Variants in TTC39B observed in about 807,000 individuals in gnomAD.
The protein encoded by TTC39B is tetratricopeptide repeat domain 39B.
TTC39B carries 92 observed loss-of-function variants against 96.6 expected under a neutral mutation model. That is an observed-to-expected ratio of 0.95 (90% CI 0.80 to 1.13). The LOEUF (loss-of-function observed/expected upper bound fraction) is 1.13. Among genes scored for constraint, TTC39B ranks in the 50% most tolerant of loss-of-function variants. The pLI, the probability that TTC39B is intolerant of heterozygous loss-of-function variation, is 0.00. For missense variants in TTC39B, 955 were observed against 809.3 expected (o/e 1.18, Z -2.18); for synonymous variants, 367 against 299.4 (o/e 1.23, Z -2.33).
intron 8 of TTC39B, among the ~76,000 whole-genome samples, chr9:15,198,405 T>C (rs573376567): frequency 4.7e-5 from 7 of 149,690 alleles, no homozygotes; most frequent in African/African-American, 1.7e-4. Context: ...TGCAGTGAGC[T>C]GAGATCACAC....
chr9:15,184,653 G>A (rs1483347457), intron 16 of TTC39B, among the ~76,000 whole-genome samples: 2 of 152,190 alleles, frequency 1.3e-5, no homozygotes, highest in Admixed American at 6.5e-5. Flanking sequence ...AATGTGAGCT[G>A]GAGCTAGAAT....
At chr9:15,250,309 G>A in intron 2 of TTC39B, 1 of 697,278 alleles carries the variant, frequency 1.4e-6, no homozygotes, top group Non-Finnish European at 1.8e-6. Context: ...AGAGAAACAG[G>A]CAAGGAACAT....
intron 2 of TTC39B, among the ~76,000 whole-genome samples, chr9:15,258,987 C>G (rs2131529446): frequency 6.6e-6 from 1 of 152,140 alleles, no homozygotes; most frequent in South Asian, 2.1e-4. Context: ...AGTGGCAGGT[C>G]TAAACACAAC....
At chr9:15,193,940 G>A (rs1819003951) in intron 8 of TTC39B, among the ~76,000 whole-genome samples, 1 of 152,172 alleles carries the variant, frequency 6.6e-6, no homozygotes. Flanking sequence ...AAGGAGACAT[G>A]ACAGCTAACC....
rs1818618172 is a variant in TTC39B at position 15,187,814 on chromosome 9, T to C, written c.1395+157A>G. ...CATGCAATGCTGAGGACAGTACCTA[T>C]AAATAGTGGGTACTTAAGGCACATT... On this transcript the variant is annotated intron_variant, in intron 14 of 19. Coordinates refer to ENST00000512701, the Ensembl canonical transcript of TTC39B. Among the ~76,000 whole-genome samples the C allele has an allele frequency of 2.0e-5, 3 of 152,228 alleles. No homozygotes were observed. The South Asian group carries it at 6.2e-4, about 32-fold the overall frequency.
chr9:15,177,869 C>CTTT lies in TTC39B; in HGVS notation c.1724-58_1724-56dup, dbSNP rs371656816. 500 of 466,168 alleles carry CTTT rather than the reference C, an allele frequency of 1.1e-3. 2 individuals are homozygous for CTTT. Among genetic ancestry groups the CTTT allele is most frequent in the African/African-American group, 5.8e-3 (254 of 43,470 alleles). 28.9% of individuals were successfully genotyped at this position (466,168 alleles called of 1,614,324 possible). A position where few individuals can be genotyped will look rare whatever the true frequency, so the allele number is the denominator to read the frequency against. ...CACAAAGAAAAATACTTTTTAAGATCTTTTTTTTTTTTTTTTTTGAGACGG... is the reference window on the plus strand; with the variant it reads ...CACAAAGAAAAATACTTTTTAAGATCTTTTTTTTTTTTTTTTTTTTTGAGACGG... On this transcript the variant is annotated intron_variant, in intron 17 of 19. Coordinates refer to ENST00000512701, the Ensembl canonical transcript of TTC39B.
chr9:15,217,219 T>G (rs1820571106), intron 3 of TTC39B, among the ~76,000 whole-genome samples: 1 of 152,214 alleles, frequency 6.6e-6, no homozygotes, highest in South Asian at 2.1e-4. Flanking sequence ...CTCACTCTTT[T>G]TCTCAACATC....
intron 1 of TTC39B, among the ~76,000 whole-genome samples, chr9:15,298,339 C>T (rs760417728): frequency 1.3e-5 from 2 of 152,168 alleles, no homozygotes; most frequent in Middle Eastern, 3.2e-3. Flanking sequence ...GGGCTTCTCA[C>T]GCTCCATAAT....
chr9:15,276,792 G>C (rs1296621684), intron 1 of TTC39B, among the ~76,000 whole-genome samples: 1 of 152,166 alleles, frequency 6.6e-6, no homozygotes, highest in African/African-American at 2.4e-5. Flanking sequence ...GTACAATAAA[G>C]ATTCCAGCCG....
intron 8 of TTC39B, among the ~76,000 whole-genome samples, chr9:15,199,638 G>C (rs1162153207): frequency 2.7e-5 from 4 of 148,168 alleles, no homozygotes; most frequent in Admixed American, 1.4e-4. Context: ...GGGAGGATGA[G>C]GCAGGAGAAT....
At chr9:15,290,314 T>C (rs1033413064) in intron 1 of TTC39B, among the ~76,000 whole-genome samples, 1 of 151,998 alleles carries the variant, frequency 6.6e-6, no homozygotes, top group Non-Finnish European at 1.5e-5. Flanking sequence ...AAAGAGAAAA[T>C]TTAAGCTTGG....
intron 2 of TTC39B, among the ~76,000 whole-genome samples, chr9:15,254,163 AT>A (rs1201493092): frequency 6.6e-6 from 1 of 151,808 alleles, no homozygotes; most frequent in Non-Finnish European, 1.5e-5. Flanking sequence ...TAAAACCAGC[AT>A]TAAAAAAAAA....
At chr9:15,298,422 A>C (rs1824460122) in intron 1 of TTC39B, among the ~76,000 whole-genome samples, 1 of 152,218 alleles carries the variant, frequency 6.6e-6, no homozygotes, top group Non-Finnish European at 1.5e-5. Context: ...AAAGAGGTTT[A>C]ATGGACTCAC....
chr9:15,242,479 C>T (rs372632071), intron 2 of TTC39B, among the ~76,000 whole-genome samples: 85 of 152,160 alleles, frequency 5.6e-4, no homozygotes, highest in African/African-American at 1.9e-3. Context: ...GCTACTCAGG[C>T]GGCTGAAGCG....
chr9:15,266,935 C>G (rs1017115020), intron 2 of TTC39B, among the ~76,000 whole-genome samples: 1 of 152,092 alleles, frequency 6.6e-6, no homozygotes, highest in Non-Finnish European at 1.5e-5. Context: ...AAAAAAATAG[C>G]CTGGCGTGGT....
In TTC39B at chr9:15,262,874, T is replaced by C. The variant is rs549029594; in HGVS notation, c.275+5040A>G. Among the ~76,000 whole-genome samples, 34 of 152,274 alleles carry C rather than the reference T, an allele frequency of 2.2e-4. 1 individual carries two copies. The South Asian group carries it at 6.8e-3, about 31-fold the overall frequency. ...ACCAGAAACATAAGATCAAAATATA[T>C]GGTTCAGTAAGTGTAAGGAAAAAGA... On this transcript the variant is annotated intron_variant, in intron 2 of 19. Transcript: ENST00000512701.
At chr9:15,234,708 T>C (rs2131445716) in intron 2 of TTC39B, among the ~76,000 whole-genome samples, 1 of 151,894 alleles carries the variant, frequency 6.6e-6, no homozygotes, top group African/African-American at 2.4e-5. Context: ...TGCCTTGGGA[T>C]CCTGTTGATC....
rs57091203 is a variant in TTC39B, at chr9:15,235,023, C to CAATAAATA, written c.276-9019_276-9012dup. ...TCTGTGAGAAACACCCAAGAATGAT[C>CAATAAATA]AATAAATAAATAAATAAATAAAACA... is the stretch of plus-strand genomic sequence containing the variant. On this transcript the variant is annotated intron_variant, in intron 2 of 19. Transcript: ENST00000512701. Among the ~76,000 whole-genome samples, 1,215 of 145,124 alleles carry CAATAAATA rather than the reference C, an allele frequency of 8.4e-3. 15 individuals are homozygous for CAATAAATA. The highest frequency in any genetic ancestry group is 0.029 in the African/African-American group (1,126 of 39,140).
chr9:15,165,653 C>CT, exon 20 of TTC39B: 1 of 152,330 alleles, frequency 6.6e-6, no homozygotes, highest in South Asian at 2.1e-4. Context: ...AAGGCACCTT[C>CT]TTCTTCACAG....
Sources: gnomAD v4.1 joint callset for allele counts (sites outside exome capture counted in the v4.1 genomes callset) on GRCh38, gnomAD v4.1.1 for gene constraint, MANE v1.5 for transcripts, NCBI Gene and HGNC (gene_info 2026-07-23, HGNC 2026-07-21) for gene names.